Variants in FRAS1 observed in about 807,000 individuals in gnomAD.
FRAS1 encodes the protein extracellular matrix organizing protein FRAS1.
FRAS1 carries 290 observed loss-of-function variants against 435.2 expected under a neutral mutation model. The observed-to-expected ratio is 0.67, with a 90% confidence interval of 0.61 to 0.73. The LOEUF (loss-of-function observed/expected upper bound fraction) is 0.73. Among genes scored for constraint, FRAS1 ranks in the 30% least tolerant of loss-of-function variants. The probability of loss-of-function intolerance (pLI) is 0.00; values close to 1 mark genes in which losing one functional copy is unlikely to be tolerated. For missense variants in FRAS1, 4,860 were observed against 5,001.5 expected (o/e 0.97, Z 0.85); for synonymous variants, 1,800 against 1,851.0 (o/e 0.97, Z 0.71).
intron 19 of FRAS1, among the ~76,000 whole-genome samples, chr4:78,336,640 GC>G (rs1190462909): frequency 6.6e-6 from 1 of 151,932 alleles, no homozygotes; most frequent in African/African-American, 2.4e-5. Context: ...TTGCTTGCTT[GC>G]TTTTTTTTTT....
At chr4:78,486,519 A>G (rs996287799) in intron 58 of FRAS1, among the ~76,000 whole-genome samples, 3 of 152,204 alleles carry the variant, frequency 2.0e-5, no homozygotes, top group African/African-American at 7.2e-5. Flanking sequence ...GCAGCCCATC[A>G]GTGTGGAAAA....
chr4:78,538,177 A>T (rs1200881963), intron 72 of FRAS1, among the ~76,000 whole-genome samples: 1 of 152,234 alleles, frequency 6.6e-6, no homozygotes, highest in East Asian at 1.9e-4. Context: ...TCACTAAAAA[A>T]TATCTTACTT....
chr4:78,096,118 CA>C (rs1741791080), intron 2 of FRAS1, among the ~76,000 whole-genome samples: 1 of 152,068 alleles, frequency 6.6e-6, no homozygotes. Context: ...AGAAATTGGC[CA>C]AAACAAAAGG....
chr4:78,344,005 T>C (rs1051216858), intron 20 of FRAS1, among the ~76,000 whole-genome samples: 3 of 151,778 alleles, frequency 2.0e-5, no homozygotes, highest in African/African-American at 7.3e-5. Flanking sequence ...TGCCTTATTT[T>C]GATCACCAAA....
chr4:78,191,901 A>G (rs1578176603), intron 2 of FRAS1, among the ~76,000 whole-genome samples: 1 of 152,136 alleles, frequency 6.6e-6, no homozygotes, highest in Non-Finnish European at 1.5e-5. Context: ...ATAGTATTCC[A>G]TAGTGTATAT....
intron 14 of FRAS1, among the ~76,000 whole-genome samples, chr4:78,295,968 G>T (rs1427430732): frequency 6.6e-6 from 1 of 151,798 alleles, no homozygotes; most frequent in African/African-American, 2.4e-5. Flanking sequence ...GGCCAGGCTG[G>T]TCTTGAACTC....
intron 2 of FRAS1, among the ~76,000 whole-genome samples, chr4:78,125,123 T>C (rs773668919): frequency 1.8e-4 from 28 of 152,230 alleles, no homozygotes; most frequent in Non-Finnish European, 3.4e-4. Flanking sequence ...CTTGTGGGCA[T>C]TTAATGCTAT....
chr4:78,432,756 G>A (rs1173632446), intron 38 of FRAS1, among the ~76,000 whole-genome samples, 152 bp downstream of exon 38: 1 of 152,226 alleles, frequency 6.6e-6, no homozygotes, highest in African/African-American at 2.4e-5. Flanking sequence ...CTACTGTTAG[G>A]AGTAGTTATG....
At chr4:78,468,665 C>A (rs1691824485) in intron 50 of FRAS1, among the ~76,000 whole-genome samples, 1 of 152,154 alleles carries the variant, frequency 6.6e-6, no homozygotes, top group Non-Finnish European at 1.5e-5. Context: ...CCCTTGCCGC[C>A]ATTTTTACTC....
chr4:78,489,069 A>G lies in FRAS1; in HGVS notation c.8947A>G (p.Lys2983Glu), dbSNP rs764754436. The G allele has an allele frequency of 1.9e-6, 3 of 1,598,638 alleles. No individual in the cohort carries two copies. Among genetic ancestry groups the G allele is most frequent in the African/African-American group, 2.7e-5 (2 of 74,646 alleles). ...NADSSRITFL[K>E]GDKVKNCTVY... ...AGACTCTTCACGGATTACATTTCTC[A>G]AAGGGGACAAAGTAAGTGGATTGGT... The change falls in exon 59 of 74, where the codon AAA becomes GAA. Residue 2983 changes from lysine (K) to glutamate (E), a missense_variant. Transcript: ENST00000512123.
At chr4:78,138,092 A>G (rs1042626575) in intron 2 of FRAS1, among the ~76,000 whole-genome samples, 3 of 152,168 alleles carry the variant, frequency 2.0e-5, no homozygotes, top group Non-Finnish European at 4.4e-5. Context: ...TTTCTTCTGC[A>G]GGTGGTTTCA....
chr4:78,430,895 GGT>G (rs1227428654), intron 37 of FRAS1, among the ~76,000 whole-genome samples: 6 of 151,958 alleles, frequency 3.9e-5, no homozygotes, highest in Non-Finnish European at 5.9e-5. Context: ...ATAACAGTGT[GGT>G]AATGTGATCG....
At position 78,541,185 on chromosome 4, in the gene FRAS1, G is replaced by T; in HGVS notation, c.*61G>T. 1 of 994,396 alleles carries T rather than the reference G, an allele frequency of 1.0e-6. No homozygotes were observed. The highest frequency in any genetic ancestry group is 3.0e-5 in the East Asian group (1 of 33,528). 61.6% of individuals were successfully genotyped at this position (994,396 alleles called of 1,614,324 possible). A position where few individuals can be genotyped will look rare whatever the true frequency, so the allele number is the denominator to read the frequency against. ...TTTTTATAAAATGGGGGGAAATACT[G>T]GTATTTTTATAATCTCGCAGATAAA... On this transcript the variant is annotated 3_prime_UTR_variant, in exon 74 of 74. Transcript: ENST00000512123.
At chr4:78,096,396 CA>C (rs1283936163) in intron 2 of FRAS1, among the ~76,000 whole-genome samples, 1 of 152,224 alleles carries the variant, frequency 6.6e-6, no homozygotes, top group Non-Finnish European at 1.5e-5. Flanking sequence ...GCCCTCTTCT[CA>C]CAGCTCCACT....
chr4:78,121,012 T>C (rs1718984766), intron 2 of FRAS1, among the ~76,000 whole-genome samples: 1 of 152,176 alleles, frequency 6.6e-6, no homozygotes, highest in Non-Finnish European at 1.5e-5. Flanking sequence ...CAGAGATCTT[T>C]AGGTAGAATG....
At chr4:78,064,502 T>A (rs1055935460) in intron 1 of FRAS1, among the ~76,000 whole-genome samples, 5 of 152,072 alleles carry the variant, frequency 3.3e-5, no homozygotes, top group African/African-American at 1.2e-4. Context: ...CACAAGGGTG[T>A]CATAAATTTA....
intron 50 of FRAS1, among the ~76,000 whole-genome samples, chr4:78,467,172 T>G (rs1202638371): frequency 1.3e-5 from 2 of 152,200 alleles, no homozygotes; most frequent in Non-Finnish European, 2.9e-5. Flanking sequence ...AAACTATGCC[T>G]TATTCATTCA....
intron 2 of FRAS1, among the ~76,000 whole-genome samples, chr4:78,234,382 C>T (rs1451818802): frequency 1.3e-5 from 2 of 152,066 alleles, no homozygotes; most frequent in Non-Finnish European, 2.9e-5. Flanking sequence ...CCCGCCACTG[C>T]GCCCGGCTAA....
At chr4:78,470,322 A>G (rs1719663801) in intron 51 of FRAS1, among the ~76,000 whole-genome samples, 1 of 152,220 alleles carries the variant, frequency 6.6e-6, no homozygotes, top group Non-Finnish European at 1.5e-5. Context: ...CCCAAAATAT[A>G]GTAGGTCAAG....
Sources: gnomAD v4.1 joint callset for allele counts (sites outside exome capture counted in the v4.1 genomes callset) on GRCh38, gnomAD v4.1.1 for gene constraint, MANE v1.5 for transcripts, NCBI Gene and HGNC (gene_info 2026-07-23, HGNC 2026-07-21) for gene names.